RALYL: variants seen among roughly 807,000 people sequenced by gnomAD.
The protein encoded by RALYL is RNA-binding Raly-like protein.
A neutral mutation model predicts 35.1 loss-of-function variants in RALYL; 29 were observed. That is an observed-to-expected ratio of 0.83 (90% confidence interval 0.61 to 1.13). The LOEUF (loss-of-function observed/expected upper bound fraction) is 1.13. Among genes scored for constraint, RALYL ranks in the 50% most tolerant of loss-of-function variants. The pLI is 0.00. For synonymous variants in RALYL, 120 were observed against 127.6 expected (o/e 0.94, Z 0.40); for missense variants, 359 against 360.4 (o/e 1.00, Z 0.03).
At chr8:84,424,864 G>A (rs1362035753) in intron 1 of RALYL, among the ~76,000 whole-genome samples, 1 of 151,642 alleles carries the variant, frequency 6.6e-6, no homozygotes, top group Non-Finnish European at 1.5e-5. Flanking sequence ...GGCTGCTCGG[G>A]GGTCAGGGGT....
At chr8:84,285,328 A>G (rs963979455) in intron 1 of RALYL, among the ~76,000 whole-genome samples, 2 of 152,224 alleles carry the variant, frequency 1.3e-5, no homozygotes, top group Non-Finnish European at 2.9e-5. Flanking sequence ...TATAGAAAAT[A>G]TATTTTGACA....
chr8:84,343,505 A>C (rs1179081523), intron 1 of RALYL, among the ~76,000 whole-genome samples: 2 of 152,130 alleles, frequency 1.3e-5, no homozygotes, highest in African/African-American at 2.4e-5. Flanking sequence ...ACTTAGATGT[A>C]AGTGAATTAA....
At chr8:84,311,425 A>T (rs552620408) in intron 1 of RALYL, among the ~76,000 whole-genome samples, 1 of 152,264 alleles carries the variant, frequency 6.6e-6, no homozygotes, top group East Asian at 1.9e-4. Context: ...ATAATTCAGC[A>T]AATTAATAAC....
intron 1 of RALYL, among the ~76,000 whole-genome samples, chr8:84,242,358 A>G (rs1408620477): frequency 6.6e-6 from 1 of 152,238 alleles, no homozygotes; most frequent in Non-Finnish European, 1.5e-5. Flanking sequence ...GTATATACCC[A>G]ATAACAGAAT....
In RALYL at chr8:84,679,556, C is replaced by G. The variant is rs1026123794; in HGVS notation, c.257-95023C>G. On this transcript the variant is annotated intron_variant, in intron 2 of 8. Transcript: ENST00000521268. Reference sequence around the variant, plus strand: ...CAAAGGGGCTGGAATGATTCATGAGCTCTTCCCAATGGCCAGAACAAGAAA... The same window carrying G: ...CAAAGGGGCTGGAATGATTCATGAGGTCTTCCCAATGGCCAGAACAAGAAA... The G allele has an allele frequency of 7.4e-6, 3 of 408,008 alleles. No homozygotes were observed. In the East Asian group the frequency reaches 2.0e-4, roughly 27 times the overall value. 25.3% of individuals were successfully genotyped at this position (408,008 alleles called of 1,614,324 possible). A position where few individuals can be genotyped will look rare whatever the true frequency, so the allele number is the denominator to read the frequency against.
At chr8:84,867,505 T>G (rs771507856) in intron 6 of RALYL, among the ~76,000 whole-genome samples, 1 of 152,214 alleles carries the variant, frequency 6.6e-6, no homozygotes, top group Non-Finnish European at 1.5e-5. Context: ...ATGCTACAGT[T>G]CAGAGAAAAT....
intron 1 of RALYL, among the ~76,000 whole-genome samples, chr8:84,271,832 T>C (rs1420651681): frequency 1.3e-5 from 2 of 150,620 alleles, no homozygotes; most frequent in East Asian, 3.9e-4. Context: ...GGAGGAGGAG[T>C]GGGGAAAGGC....
chr8:84,429,741 G>T (rs1292577356), intron 1 of RALYL, among the ~76,000 whole-genome samples: 2 of 151,888 alleles, frequency 1.3e-5, no homozygotes, highest in Non-Finnish European at 1.5e-5. Context: ...GGTGGTGTCT[G>T]GGTGTTAGCC....
chr8:84,554,875 C>T (rs1277370378), intron 2 of RALYL, among the ~76,000 whole-genome samples: 1 of 152,154 alleles, frequency 6.6e-6, no homozygotes, highest in Non-Finnish European at 1.5e-5. Flanking sequence ...AAGAGTATGA[C>T]AAAGTGTCAG....
chr8:84,385,485 A>T (rs538405124), intron 1 of RALYL, among the ~76,000 whole-genome samples: 1 of 151,968 alleles, frequency 6.6e-6, no homozygotes, highest in Admixed American at 6.6e-5. Flanking sequence ...AGGGACAAGG[A>T]TGAGTACACC....
intron 1 of RALYL, among the ~76,000 whole-genome samples, chr8:84,504,657 A>C (rs145963672): frequency 6.6e-6 from 1 of 152,304 alleles, no homozygotes; most frequent in Admixed American, 6.5e-5. Flanking sequence ...GTAACTGTGC[A>C]GTAGCCTGAA....
At chr8:84,401,637 CAAAAA>C (rs71271985) in intron 1 of RALYL, among the ~76,000 whole-genome samples, 58 of 17,400 alleles carry the variant, frequency 3.3e-3, no homozygotes, top group African/African-American at 7.6e-3. Flanking sequence ...GACTCTGTCT[CAAAAA>C]AAAAAAAAAA....
At chr8:84,228,696 T>G (rs559477402) in intron 1 of RALYL, among the ~76,000 whole-genome samples, 13 of 152,274 alleles carry the variant, frequency 8.5e-5, no homozygotes, top group Non-Finnish European at 1.6e-4. Context: ...GTCTGGGTAA[T>G]TCATAAAGAA....
chr8:84,591,936 G>T (rs1441268982), intron 2 of RALYL, among the ~76,000 whole-genome samples: 1 of 152,112 alleles, frequency 6.6e-6, no homozygotes, highest in Non-Finnish European at 1.5e-5. Context: ...TTCTTGATAG[G>T]ACGCCTGATT....
chr8:84,613,459 G>A (rs1818757987), intron 2 of RALYL, among the ~76,000 whole-genome samples: 2 of 151,374 alleles, frequency 1.3e-5, no homozygotes, highest in African/African-American at 4.9e-5. Context: ...TTGAAAATGT[G>A]CAAGACACTG....
intron 2 of RALYL, among the ~76,000 whole-genome samples, chr8:84,721,122 T>C (rs1171702682): frequency 1.3e-5 from 2 of 151,736 alleles, no homozygotes; most frequent in East Asian, 1.9e-4. Context: ...AATCCCAGCA[T>C]TTCAGGAGGC....
intron 1 of RALYL, among the ~76,000 whole-genome samples, chr8:84,329,395 A>G (rs1485102550): frequency 1.3e-5 from 2 of 152,058 alleles, no homozygotes; most frequent in African/African-American, 4.8e-5. Context: ...GGCCACTTGT[A>G]TGTCTTCTTT....
chr8:84,644,054 A>G (rs1249855809), intron 2 of RALYL, among the ~76,000 whole-genome samples: 1 of 152,030 alleles, frequency 6.6e-6, no homozygotes, highest in African/African-American at 2.4e-5. Context: ...GTAAAAGTAT[A>G]CAGTTAGATA....
chr8:84,392,275 C>A (rs1342087997), intron 1 of RALYL, among the ~76,000 whole-genome samples: 1 of 151,930 alleles, frequency 6.6e-6, no homozygotes, highest in Non-Finnish European at 1.5e-5. Flanking sequence ...ATCCCAGGGA[C>A]CTTTAAGGAG....
Sources: gnomAD v4.1 joint callset for allele counts (sites outside exome capture counted in the v4.1 genomes callset) on GRCh38, gnomAD v4.1.1 for gene constraint, MANE v1.5 for transcripts, NCBI Gene and HGNC (gene_info 2026-07-23, HGNC 2026-07-21) for gene names.